The following PHACTR3 variants were observed in gnomAD, a reference collection of about 807,000 sequenced individuals.
PHACTR3 encodes phosphatase and actin regulator 3, also known as protein phosphatase 1, regulatory subunit 123.
A neutral mutation model predicts 66.8 loss-of-function variants in PHACTR3; 16 were observed. That is an observed-to-expected ratio of 0.24 (90% CI 0.16 to 0.36). The LOEUF is 0.36. Among genes scored for constraint, PHACTR3 ranks in the 10% least tolerant of loss-of-function variants. The pLI, the probability that PHACTR3 is intolerant of heterozygous loss-of-function variation, is 1.00. For missense variants in PHACTR3, 647 were observed against 719.9 expected (o/e 0.90, Z 1.16); for synonymous variants, 323 against 292.1 (o/e 1.11, Z -1.08).
chr20:59,751,375 C>G (rs2039574446), intron 3 of PHACTR3, among the ~76,000 whole-genome samples: 1 of 152,170 alleles, frequency 6.6e-6, no homozygotes, highest in Admixed American at 6.5e-5. Context: ...GTCAGGGACT[C>G]CAGAGCCTCA....
At chr20:59,579,930 G>T (rs2032813432) in intron 1 of PHACTR3, among the ~76,000 whole-genome samples, 1 of 152,150 alleles carries the variant, frequency 6.6e-6, no homozygotes, top group African/African-American at 2.4e-5. Flanking sequence ...CTTCTGCAGT[G>T]CATTCCTTCA....
intron 1 of PHACTR3, among the ~76,000 whole-genome samples, chr20:59,700,163 T>C (rs542191918): frequency 6.6e-6 from 1 of 152,248 alleles, no homozygotes; most frequent in Non-Finnish European, 1.5e-5. Context: ...TTGTACCTTT[T>C]CTTACTTTGT....
chr20:59,605,858 T>TGGGGGGGGGGGGG, intron 1 of PHACTR3, among the ~76,000 whole-genome samples: 1 of 87,730 alleles, frequency 1.1e-5, no homozygotes, highest in East Asian at 3.8e-4. Context: ...GGGGGGGAGG[T>TGGGGGGGGGGGGG]GGGGGGGGGG....
intron 1 of PHACTR3, among the ~76,000 whole-genome samples, chr20:59,626,130 C>T (rs1260821547): frequency 6.6e-6 from 1 of 152,192 alleles, no homozygotes; most frequent in Non-Finnish European, 1.5e-5. Context: ...AACTCTCCCT[C>T]CAGAATTCAT....
chr20:59,630,822 T>A (rs770033502), intron 1 of PHACTR3, among the ~76,000 whole-genome samples: 1 of 151,558 alleles, frequency 6.6e-6, no homozygotes, highest in Non-Finnish European at 1.5e-5. Flanking sequence ...ATGAGAAATG[T>A]TGACTCAGGG....
chr20:59,778,071 C>T (rs1048780654), intron 7 of PHACTR3, among the ~76,000 whole-genome samples: 4 of 152,198 alleles, frequency 2.6e-5, no homozygotes, highest in Non-Finnish European at 5.9e-5. Flanking sequence ...GAAGTCCTCT[C>T]TGTTCCCCTT....
At chr20:59,790,185 G>T (rs1353344817) in intron 7 of PHACTR3, among the ~76,000 whole-genome samples, 1 of 152,066 alleles carries the variant, frequency 6.6e-6, no homozygotes, top group Non-Finnish European at 1.5e-5. Flanking sequence ...ATAAACTTGT[G>T]TCATGAGGGT....
chr20:59,757,132 G>A (rs1174153368), intron 4 of PHACTR3, among the ~76,000 whole-genome samples: 1 of 152,234 alleles, frequency 6.6e-6, no homozygotes, highest in Admixed American at 6.5e-5. Context: ...CCTTCCTGCC[G>A]TGGTGTGGTC....
At chr20:59,678,404 C>T (rs1179234519) in intron 1 of PHACTR3, among the ~76,000 whole-genome samples, 3 of 152,092 alleles carry the variant, frequency 2.0e-5, no homozygotes, top group Non-Finnish European at 4.4e-5. Context: ...CGCTTTGCAC[C>T]GTGGAGTTGT....
At chr20:59,705,928 C>T (rs2037685230) in intron 1 of PHACTR3, among the ~76,000 whole-genome samples, 1 of 152,164 alleles carries the variant, frequency 6.6e-6, no homozygotes, top group African/African-American at 2.4e-5. Flanking sequence ...ACTCTTTGAG[C>T]CAAGTGGTGG....
At chr20:59,767,860 A>G (rs1408779792) in intron 5 of PHACTR3, among the ~76,000 whole-genome samples, 4 of 146,670 alleles carry the variant, frequency 2.7e-5, no homozygotes, top group Non-Finnish European at 3.0e-5. Context: ...TTTCTGTTCC[A>G]TTCCATTCTG....
At chr20:59,759,600 G>C (rs2039927060) in intron 4 of PHACTR3, among the ~76,000 whole-genome samples, 1 of 152,144 alleles carries the variant, frequency 6.6e-6, no homozygotes, top group African/African-American at 2.4e-5. Flanking sequence ...CCAGTATTTT[G>C]TGATAGAAGG....
intron 1 of PHACTR3, among the ~76,000 whole-genome samples, chr20:59,592,027 G>A (rs145164710): frequency 2.5e-4 from 38 of 152,074 alleles, no homozygotes; most frequent in African/African-American, 9.2e-4. Context: ...TTTTGTGCAC[G>A]GCTTTTGAAA....
In PHACTR3 at chr20:59,833,043, C is replaced by G. The variant is rs77284575; in HGVS notation, c.1329-3462C>G. On this transcript the variant is annotated intron_variant, in intron 8 of 12. Coordinates refer to ENST00000371015, the MANE Select transcript of PHACTR3 (RefSeq NM_080672.5). ...GGGGCCCACAGCACTGTCTAGGGTTCTGCATCCACCCTTCCAGGTGTGGGG... is the reference window on the plus strand; with the variant it reads ...GGGGCCCACAGCACTGTCTAGGGTTGTGCATCCACCCTTCCAGGTGTGGGG... Among the ~76,000 whole-genome samples the G allele has an allele frequency of 4.7e-3, 718 of 152,280 alleles. 4 individuals are homozygous for G. Among genetic ancestry groups the G allele is most frequent in the East Asian group, 0.023 (119 of 5,154 alleles).
At chr20:59,837,612 T>C (rs1199786640) in intron 9 of PHACTR3, among the ~76,000 whole-genome samples, 1 of 152,228 alleles carries the variant, frequency 6.6e-6, no homozygotes, top group African/African-American at 2.4e-5. Flanking sequence ...TCTCTGAGGA[T>C]TTAAAGAAAA....
chr20:59,634,804 C>T, intron 1 of PHACTR3, among the ~76,000 whole-genome samples: 1 of 152,220 alleles, frequency 6.6e-6, no homozygotes, highest in Non-Finnish European at 1.5e-5. Context: ...GCGCCGCTGG[C>T]CGCAGATGGT....
At chr20:59,661,185 G>T (rs1452754255) in intron 1 of PHACTR3, among the ~76,000 whole-genome samples, 1 of 152,216 alleles carries the variant, frequency 6.6e-6, no homozygotes, top group Non-Finnish European at 1.5e-5. Context: ...CCGTGACTTT[G>T]TTCTGAATTA....
rs1320393843 is a variant in PHACTR3, at chr20:59,731,350, TA to T, written c.119-11755del. On this transcript the variant is annotated intron_variant, in intron 1 of 12. Transcript: ENST00000371015. ...TGGGCCTCTTGTACAATAATTTTTA[TA>T]AGAGTTTGTTCTTTGCAAATGCAGA... Among the ~76,000 whole-genome samples the T allele has an allele frequency of 2.0e-5, 3 of 152,218 alleles. No homozygotes were observed. The East Asian group carries it at 5.8e-4, about 29-fold the overall frequency.
intron 1 of PHACTR3, among the ~76,000 whole-genome samples, chr20:59,713,462 G>T (rs77873469): frequency 5.9e-5 from 9 of 152,038 alleles, no homozygotes; most frequent in Admixed American, 5.9e-4. Flanking sequence ...AATTTACATC[G>T]TCTTGATTAG....
Sources: gnomAD v4.1 joint callset for allele counts (sites outside exome capture counted in the v4.1 genomes callset) on GRCh38, gnomAD v4.1.1 for gene constraint, MANE v1.5 for transcripts, NCBI Gene and HGNC (gene_info 2026-07-23, HGNC 2026-07-21) for gene names.